ARHGAP15: variants seen among roughly 807,000 people sequenced by gnomAD.
ARHGAP15 encodes Rho GTPase activating protein 15.
A neutral mutation model predicts 63.7 loss-of-function variants in ARHGAP15; 51 were observed. The observed-to-expected ratio is 0.80, with a 90% confidence interval of 0.64 to 1.01. The LOEUF is 1.01. Ranked by LOEUF, ARHGAP15 falls within the 50% of genes least tolerant of loss-of-function variation. ARHGAP15 has a pLI of 0.00. For missense variants in ARHGAP15, 560 were observed against 564.6 expected (o/e 0.99, Z 0.08); for synonymous variants, 191 against 193.8 (o/e 0.99, Z 0.12).
At chr2:143,563,025 C>G (rs1049571853) in intron 11 of ARHGAP15, among the ~76,000 whole-genome samples, 5 of 152,108 alleles carry the variant, frequency 3.3e-5, no homozygotes, top group African/African-American at 1.2e-4. Context: ...TGACCTAATG[C>G]TGTTGTGAAA....
At chr2:143,203,565 C>A (rs1262151048) in intron 3 of ARHGAP15, among the ~76,000 whole-genome samples, 1 of 152,088 alleles carries the variant, frequency 6.6e-6, no homozygotes, top group Non-Finnish European at 1.5e-5. Context: ...AGAAGCCCAA[C>A]AACCACCAGT....
chr2:143,508,286 G>A (rs1693413653), intron 9 of ARHGAP15, among the ~76,000 whole-genome samples: 1 of 152,122 alleles, frequency 6.6e-6, no homozygotes, highest in Non-Finnish European at 1.5e-5. Flanking sequence ...TGGCTCAGTC[G>A]GTCACTTCAT....
At chr2:143,672,408 C>A (rs908558501) in intron 12 of ARHGAP15, among the ~76,000 whole-genome samples, 2 of 152,082 alleles carry the variant, frequency 1.3e-5, no homozygotes, top group African/African-American at 4.8e-5. Context: ...ATGTAAAGAG[C>A]CCAACTATGA....
At chr2:143,134,888 T>C (rs545455643) in intron 1 of ARHGAP15, among the ~76,000 whole-genome samples, 2 of 152,130 alleles carry the variant, frequency 1.3e-5, no homozygotes, top group Non-Finnish European at 1.5e-5. Context: ...CTGCCCACCT[T>C]GACCTCCCAA....
In ARHGAP15 at chr2:143,155,523, G is replaced by A. The variant is rs1690042302; in HGVS notation, c.33G>A (p.Val11=). 1 of 1,607,966 alleles carries A rather than the reference G, an allele frequency of 6.2e-7. No homozygotes were observed. Among genetic ancestry groups the A allele is most frequent in the Non-Finnish European group, 8.5e-7 (1 of 1,177,594 alleles). The change falls in exon 2 of 14, where the codon GTG becomes GTA. Residue 11 remains valine, a synonymous_variant. Transcript: ENST00000295095. MQKSTNSDTS[V]ETLNSTRQGT... is the part of the protein sequence containing the mutation. ...AATCTACAAATTCTGATACTTCCGT[G>A]GAAACACTGAATTCTACCCGCCAAG...
At chr2:143,332,973 G>GAAA (rs34554225) in intron 6 of ARHGAP15, among the ~76,000 whole-genome samples, 15 of 108,408 alleles carry the variant, frequency 1.4e-4, no homozygotes, top group African/African-American at 3.5e-4. Flanking sequence ...CATTTAAAAT[G>GAAA]AAAAAAAAAA....
intron 11 of ARHGAP15, among the ~76,000 whole-genome samples, chr2:143,596,209 T>A (rs1003442929): frequency 1.3e-5 from 2 of 152,168 alleles, no homozygotes; most frequent in Non-Finnish European, 2.9e-5. Flanking sequence ...CATGAAGTCC[T>A]TCTAGACTGA....
At chr2:143,168,929 T>G (rs1690654803) in intron 2 of ARHGAP15, among the ~76,000 whole-genome samples, 1 of 152,018 alleles carries the variant, frequency 6.6e-6, no homozygotes, top group Admixed American at 6.6e-5. Context: ...TCCACTCACT[T>G]CTTCATAGCC....
intron 2 of ARHGAP15, among the ~76,000 whole-genome samples, chr2:143,161,163 C>A (rs1358087985): frequency 6.6e-6 from 1 of 151,924 alleles, no homozygotes; most frequent in Non-Finnish European, 1.5e-5. Flanking sequence ...GTTGTCGGCA[C>A]AAAGCATGTT....
At chr2:143,345,231 G>A (rs1685218906) in intron 6 of ARHGAP15, among the ~76,000 whole-genome samples, 1 of 117,734 alleles carries the variant, frequency 8.5e-6, no homozygotes. Context: ...ATTATTTTAT[G>A]GGTTTGGAGC....
intron 6 of ARHGAP15, among the ~76,000 whole-genome samples, chr2:143,329,777 C>G (rs1489753012): frequency 6.6e-6 from 1 of 151,862 alleles, no homozygotes; most frequent in Non-Finnish European, 1.5e-5. Context: ...TTTGCACATA[C>G]ACACCCCCCT....
chr2:143,462,015 T>C (rs1690966941), intron 8 of ARHGAP15, among the ~76,000 whole-genome samples: 1 of 151,938 alleles, frequency 6.6e-6, no homozygotes, highest in African/African-American at 2.4e-5. Flanking sequence ...TAGCCGGGAA[T>C]GGTGGTGCGC....
intron 10 of ARHGAP15, among the ~76,000 whole-genome samples, chr2:143,532,866 A>G (rs188621009): frequency 1.0e-3 from 154 of 152,348 alleles, no homozygotes; most frequent in African/African-American, 3.6e-3. Context: ...CATTGGGTAG[A>G]GGAGAAAGTT....
intron 10 of ARHGAP15, among the ~76,000 whole-genome samples, chr2:143,540,736 T>C (rs1259965142): frequency 1.3e-5 from 2 of 152,216 alleles, no homozygotes; most frequent in African/African-American, 4.8e-5. Flanking sequence ...GAGTTTCTGC[T>C]GGGAGATCAG....
At chr2:143,628,396 G>C (rs1698924433) in intron 12 of ARHGAP15, among the ~76,000 whole-genome samples, 1 of 152,166 alleles carries the variant, frequency 6.6e-6, no homozygotes, top group African/African-American at 2.4e-5. Context: ...AGTTATTTGA[G>C]AAATCTCCAA....
chr2:143,653,352 G>A (rs1681270362), intron 12 of ARHGAP15, among the ~76,000 whole-genome samples: 2 of 151,590 alleles, frequency 1.3e-5, no homozygotes, highest in Non-Finnish European at 2.9e-5. Flanking sequence ...TATGGTTTTG[G>A]TACCAGGACA....
At chr2:143,200,728 TC>T (rs1692079428) in intron 2 of ARHGAP15, among the ~76,000 whole-genome samples, 1 of 152,060 alleles carries the variant, frequency 6.6e-6, no homozygotes, top group Non-Finnish European at 1.5e-5. Flanking sequence ...TTATGCTTCT[TC>T]AGGAAAAAGA....
chr2:143,242,623 G>C (rs1558836402), intron 5 of ARHGAP15, among the ~76,000 whole-genome samples: 1 of 152,140 alleles, frequency 6.6e-6, no homozygotes, highest in Non-Finnish European at 1.5e-5. Context: ...AATGTGGTTT[G>C]ATTTGGTCAT....
intron 12 of ARHGAP15, among the ~76,000 whole-genome samples, chr2:143,671,363 G>C (rs1682517420): frequency 6.6e-6 from 1 of 152,038 alleles, no homozygotes; most frequent in African/African-American, 2.4e-5. Flanking sequence ...TCTGTCATGA[G>C]CAATGGCTCT....
Sources: gnomAD v4.1 joint callset for allele counts (sites outside exome capture counted in the v4.1 genomes callset) on GRCh38, gnomAD v4.1.1 for gene constraint, MANE v1.5 for transcripts, NCBI Gene and HGNC (gene_info 2026-07-23, HGNC 2026-07-21) for gene names.